MED12L: variants seen among roughly 807,000 people sequenced by gnomAD.
The protein encoded by MED12L is mediator of RNA polymerase II transcription subunit 12-like protein.
MED12L carries 60 observed loss-of-function variants against 281.3 expected under a neutral mutation model. That is an observed-to-expected ratio of 0.21 (90% CI 0.17 to 0.26). MED12L has a LOEUF of 0.26. MED12L is among the 10% of genes least tolerant of loss of function. MED12L has a pLI of 1.00. For missense variants in MED12L, 2,146 were observed against 2,680.9 expected, an observed-to-expected ratio of 0.80 and a Z score of 4.41; for synonymous variants, 974 against 987.2, an observed-to-expected ratio of 0.99 and a Z score of 0.25.
At chr3:151,331,144 T>TA (rs1750305581) in intron 16 of MED12L, among the ~76,000 whole-genome samples, 2 of 152,222 alleles carry the variant, frequency 1.3e-5, no homozygotes, top group Admixed American at 6.5e-5. Context: ...GTTATGGAAA[T>TA]AGAGTCTCTT....
At chr3:151,300,164 C>T (rs1053735693) in intron 16 of MED12L, 8 of 1,146,564 alleles carry the variant, frequency 7.0e-6, no homozygotes, top group Middle Eastern at 1.9e-4. Context: ...ACGATTGAGG[C>T]GTGGGTTCAG....
intron 17 of MED12L, among the ~76,000 whole-genome samples, chr3:151,353,920 T>A (rs1753569081): frequency 6.6e-6 from 1 of 151,890 alleles, no homozygotes; most frequent in Non-Finnish European, 1.5e-5. Flanking sequence ...GGCGGGCGGA[T>A]CACGAGGTCA....
intron 13 of MED12L, among the ~76,000 whole-genome samples, chr3:151,189,544 C>G (rs949735570): frequency 2.0e-5 from 3 of 152,172 alleles, no homozygotes; most frequent in Non-Finnish European, 2.9e-5. Context: ...AGGAAAAACT[C>G]CTTACTCCTG....
chr3:151,230,544 C>G lies in MED12L; in HGVS notation c.2250+36878C>G, dbSNP rs373643514. ...GACATCCTTGGACTGTGAAACGTGC[C>G]AGGACTAGTTTTGTTTTACTCCACG... On this transcript the variant is annotated intron_variant, in intron 16 of 44. Transcript: ENST00000687756. 7.9e-5 allele frequency among the ~76,000 whole-genome samples: 12 copies of G among 151,388 alleles called. No individual in the cohort carries two copies. The East Asian group carries it at 1.7e-3, about 22-fold the overall frequency.
chr3:151,124,255 G>C (rs923768995), intron 4 of MED12L, among the ~76,000 whole-genome samples: 3 of 152,228 alleles, frequency 2.0e-5, no homozygotes, highest in African/African-American at 7.2e-5. Flanking sequence ...TAGCGAAGTA[G>C]TGGTTTCTCC....
At chr3:151,305,695 G>A (rs1197572716) in intron 16 of MED12L, among the ~76,000 whole-genome samples, 1 of 152,002 alleles carries the variant, frequency 6.6e-6, no homozygotes, top group Non-Finnish European at 1.5e-5. Context: ...CTGTTGTGGA[G>A]TAAAAGTGAA....
chr3:151,329,606 T>G (rs189234926), intron 16 of MED12L: 3 of 1,050,152 alleles, frequency 2.9e-6, no homozygotes, highest in African/African-American at 3.2e-5. Flanking sequence ...TTTTTACTTA[T>G]GTAATGTGAC....
At chr3:151,374,392 A>G (rs985369756) in intron 27 of MED12L, among the ~76,000 whole-genome samples, 2 of 152,142 alleles carry the variant, frequency 1.3e-5, no homozygotes, top group African/African-American at 4.8e-5. Flanking sequence ...TACTAAAAAT[A>G]CAAAAATTAG....
intron 6 of MED12L, among the ~76,000 whole-genome samples, chr3:151,157,188 T>C (rs115863168): frequency 1.9e-3 from 285 of 152,256 alleles, no homozygotes; most frequent in African/African-American, 6.6e-3. Context: ...TCTCTCAGCA[T>C]GTTTAATGGT....
intron 16 of MED12L, among the ~76,000 whole-genome samples, chr3:151,240,610 A>G (rs1211043925): frequency 1.3e-5 from 2 of 151,658 alleles, no homozygotes; most frequent in African/African-American, 4.8e-5. Flanking sequence ...CTAGTTGTTT[A>G]TCTTTAAGCA....
chr3:151,254,095 A>C (rs1483800793), intron 16 of MED12L, among the ~76,000 whole-genome samples: 2 of 151,944 alleles, frequency 1.3e-5, no homozygotes, highest in Non-Finnish European at 2.9e-5. Flanking sequence ...AATGAAAAAA[A>C]TAGAAGTCCA....
intron 3 of MED12L, among the ~76,000 whole-genome samples, chr3:151,122,565 C>T (rs1042416603): frequency 1.1e-4 from 16 of 152,264 alleles, no homozygotes; most frequent in South Asian, 8.3e-4. Context: ...TAACCCCCTC[C>T]GCCAAACTAC....
At chr3:151,288,573 G>T (rs1238602334) in intron 16 of MED12L, among the ~76,000 whole-genome samples, 1 of 152,228 alleles carries the variant, frequency 6.6e-6, no homozygotes, top group Non-Finnish European at 1.5e-5. Context: ...CATGTTGAAT[G>T]AATGAATGAC....
At chr3:151,098,918 C>T (rs1008585468) in intron 2 of MED12L, among the ~76,000 whole-genome samples, 6 of 152,008 alleles carry the variant, frequency 3.9e-5, no homozygotes, top group Non-Finnish European at 5.9e-5. Context: ...TGGCTGGGGA[C>T]GCCTCACAAT....
intron 16 of MED12L, among the ~76,000 whole-genome samples, chr3:151,254,079 AC>A (rs1269291954): frequency 6.6e-6 from 1 of 151,822 alleles, no homozygotes; most frequent in East Asian, 1.9e-4. Flanking sequence ...ATTTAAAAAA[AC>A]ATATAATGAA....
chr3:151,294,021 T>C (rs2149687113), intron 16 of MED12L: 1 of 646,088 alleles, frequency 1.5e-6, no homozygotes, highest in Non-Finnish European at 2.8e-6. Flanking sequence ...TGCTATGCTT[T>C]AATGTTTTCC....
chr3:151,208,371 G>A (rs925134128), intron 16 of MED12L, among the ~76,000 whole-genome samples: 11 of 152,190 alleles, frequency 7.2e-5, no homozygotes, highest in African/African-American at 2.2e-4. Flanking sequence ...CAAGTTAAAT[G>A]TAGAGACCCT....
At chr3:151,152,845 T>C (rs1033579019) in intron 5 of MED12L, among the ~76,000 whole-genome samples, 3 of 152,162 alleles carry the variant, frequency 2.0e-5, no homozygotes, top group Admixed American at 6.5e-5. Context: ...CTACACTACC[T>C]CTCTGGTGGT....
At chr3:151,268,698 C>T (rs1220030851) in intron 16 of MED12L, among the ~76,000 whole-genome samples, 1 of 152,112 alleles carries the variant, frequency 6.6e-6, no homozygotes, top group Non-Finnish European at 1.5e-5. Context: ...TTTCTTCTAA[C>T]CTATAGGGCA....
Sources: allele counts gnomAD v4.1 joint callset (sites outside exome capture counted in the v4.1 genomes callset), GRCh38; gene constraint gnomAD v4.1.1; transcripts MANE v1.5; gene names NCBI Gene and HGNC (gene_info 2026-07-23, HGNC 2026-07-21).